Variants in ALS2CL observed in about 807,000 individuals in gnomAD.
The protein encoded by ALS2CL is ALS2 C-terminal like.
In ALS2CL, 112 loss-of-function variants were observed where a neutral mutation model predicts 127.9. The observed-to-expected ratio is 0.88, with a 90% CI of 0.75 to 1.02. ALS2CL has a LOEUF of 1.02. ALS2CL is among the 50% of genes least tolerant of loss of function. ALS2CL has a pLI of 0.00. For missense variants in ALS2CL, 1,174 were observed against 1,236.7 expected (o/e 0.95, Z 0.76); for synonymous variants, 519 against 527.6 (o/e 0.98, Z 0.22).
At chr3:46,690,498 G>C (rs1191460878) in intron 1 of ALS2CL, among the ~76,000 whole-genome samples, 2 of 152,168 alleles carry the variant, frequency 1.3e-5, no homozygotes, top group African/African-American at 4.8e-5. Flanking sequence ...CTAAAGGGAG[G>C]GGTGAAGAGA....
Position 46,683,798 on chromosome 3 carries a change from T to C in ALS2CL, c.896A>G (p.Lys299Arg), listed in dbSNP as rs746870658. The change falls in exon 9 of 26, where the codon AAG (lysine) becomes AGG (arginine). Residue 299 changes from lysine to arginine, a missense_variant. Lys to Arg is a conservative substitution (Grantham distance 26). Coordinates refer to ENST00000318962, the MANE Select transcript of ALS2CL (RefSeq NM_147129.5). ...TPEEEFSFCA[K>R]DSQGQAVWQW... ...CACACTCACCTGGCCCTGGGAGTCC[T>C]TGGCACAAAAGGAGAACTCTTCTTC... 1 of 1,614,094 alleles carries C rather than the reference T, an allele frequency of 6.2e-7. No individual in the cohort carries two copies. Among genetic ancestry groups the C allele is most frequent in the Non-Finnish European group, 8.5e-7 (1 of 1,180,012 alleles).
intron 19 of ALS2CL, 66 bp downstream of exon 19, chr3:46,676,179 C>G: frequency 6.4e-7 from 1 of 1,572,146 alleles, no homozygotes; most frequent in Non-Finnish European, 8.6e-7. Flanking sequence ...CAAGGCAGAA[C>G]TGATGCCTGG....
Position 46,683,804 on chromosome 3 carries a change from C to G in ALS2CL, c.890G>C (p.Cys297Ser), listed in dbSNP as rs541431840. The change falls in exon 9 of 26, where the codon TGT becomes TCT. Residue 297 changes from cysteine (C) to serine (S), a missense_variant. Cys to Ser is a moderately radical substitution (Grantham distance 112, BLOSUM62 -1). Coordinates refer to ENST00000318962, the MANE Select transcript of ALS2CL (RefSeq NM_147129.5). ...LLTPEEEFSF[C>S]AKDSQGQAVW... ...CACCTGGCCCTGGGAGTCCTTGGCACAAAAGGAGAACTCTTCTTCGGGCGT... is the reference window on the plus strand; with the variant it reads ...CACCTGGCCCTGGGAGTCCTTGGCAGAAAAGGAGAACTCTTCTTCGGGCGT... 8.8e-5 allele frequency: 142 copies of G among 1,614,086 alleles called. 2 individuals are homozygous for G. The South Asian group carries it at 1.5e-3, about 17-fold the overall frequency.
At chr3:46,684,789 G>A (rs1202814346) in intron 7 of ALS2CL, among the ~76,000 whole-genome samples, 3 of 152,216 alleles carry the variant, frequency 2.0e-5, no homozygotes. Flanking sequence ...GGAGTGTGAA[G>A]TTGGGAGTGG....
chr3:46,684,406 C>CAA (rs2106732045), intron 7 of ALS2CL, among the ~76,000 whole-genome samples: 1 of 63,582 alleles, frequency 1.6e-5, no homozygotes, highest in Non-Finnish European at 3.2e-5. Flanking sequence ...ACCTCACAGA[C>CAA]CACTACGCCA....
intron 19 of ALS2CL, chr3:46,675,983 T>A: frequency 7.0e-7 from 1 of 1,422,958 alleles, no homozygotes; most frequent in Non-Finnish European, 9.1e-7. Flanking sequence ...CAGCCTACAG[T>A]GGGGTGAGAG....
At chr3:46,676,156 T>C in intron 19 of ALS2CL, 89 bp downstream of exon 19, 1 of 1,523,228 alleles carries the variant, frequency 6.6e-7, no homozygotes, top group Non-Finnish European at 8.8e-7. Context: ...ACACTTGGCA[T>C]TCCTCCCAAA....
intron 10 of ALS2CL, among the ~76,000 whole-genome samples, 200 bp from the exon 11 acceptor site, chr3:46,682,294 C>T (rs1477106874): frequency 6.6e-6 from 1 of 152,230 alleles, no homozygotes; most frequent in Admixed American, 6.5e-5. Flanking sequence ...ACTGTACCAG[C>T]AGCCTCATGG....
chr3:46,671,439 C>T (rs769023528), intron 25 of ALS2CL, 49 bp downstream of exon 25: 6 of 1,611,766 alleles, frequency 3.7e-6, no homozygotes, highest in South Asian at 3.3e-5. Flanking sequence ...AAGGGTCTGC[C>T]CCAGGGGCCA....
intron 15 of ALS2CL, 90 bp from the exon 16 acceptor site, chr3:46,678,479 CAG>C: frequency 6.7e-7 from 1 of 1,493,826 alleles, no homozygotes; most frequent in Non-Finnish European, 9.0e-7. Flanking sequence ...CCATCAGTGT[CAG>C]AGAGGCTAAG....
chr3:46,676,090 ACCCTTTTGCTCAGCAG>A lies in ALS2CL; in HGVS notation c.2186+139_2186+154del, dbSNP rs1698791101. On this transcript the variant is annotated intron_variant, in intron 19 of 25. Transcript: ENST00000318962. ...TTTGCTCTCACCTCCCCACCCTCTA[ACCCTTTTGCTCAGCAG>A]CTGCACACTGACCAAGCCTCTGGTT... The A allele has an allele frequency of 3.6e-6, 5 of 1,375,832 alleles. No individual in the cohort carries two copies. The South Asian group carries it at 7.4e-5, about 20-fold the overall frequency. 85.2% of individuals were successfully genotyped at this position (1,375,832 alleles called of 1,614,324 possible). A position where few individuals can be genotyped will look rare whatever the true frequency, so the allele number is the denominator to read the frequency against.
chr3:46,676,791 C>T (rs1218887797), intron 17 of ALS2CL, 53 bp from the exon 18 acceptor site: 2 of 1,607,246 alleles, frequency 1.2e-6, no homozygotes, highest in Non-Finnish European at 8.5e-7. Flanking sequence ...GCCCCCTCCC[C>T]CCAGGAAGCC....
intron 6 of ALS2CL, among the ~76,000 whole-genome samples, chr3:46,685,981 C>T (rs929114259): frequency 6.6e-5 from 10 of 152,210 alleles, no homozygotes; most frequent in Non-Finnish European, 2.9e-5. Context: ...CCTCAGGGCA[C>T]AGGGGACTCT....
chr3:46,670,789 C>T lies in ALS2CL; in HGVS notation c.*195G>A. 1 of 567,956 alleles carries T rather than the reference C, an allele frequency of 1.8e-6. No homozygotes were observed. The allele number at this position is 567,956 out of a possible 1,614,324, so 35.2% of individuals were successfully genotyped here. A position where few individuals can be genotyped will look rare whatever the true frequency, so the allele number is the denominator to read the frequency against. On this transcript the variant is annotated 3_prime_UTR_variant, in exon 26 of 26. Coordinates refer to ENST00000318962, the MANE Select transcript of ALS2CL (RefSeq NM_147129.5). The surrounding 1 kb of genome is among the most constrained non-coding windows in gnomAD (Gnocchi z 5.5). ...GGGCTAGTGGCCAAGGGAAAACCAC[C>T]ACATCCAGGGCCACACCCGTCACCC...
In ALS2CL at chr3:46,671,796, A is replaced by T. The variant is rs927829590; in HGVS notation, c.2684+88T>A. 17 of 1,572,532 alleles carry T rather than the reference A, an allele frequency of 1.1e-5. No individual in the cohort carries two copies. In the African/African-American group the frequency reaches 2.2e-4, roughly 20 times the overall value. On this transcript the variant is annotated intron_variant, in intron 24 of 25. Transcript: ENST00000318962. ...GTACAGAGAGAAGCTGCATCCATAA[A>T]CCCTGGGGTTCAGAGGTATCAGAAG... is the stretch of plus-strand genomic sequence containing the variant.
Position 46,687,134 on chromosome 3 carries a change from C to G in ALS2CL, c.383G>C (p.Gly128Ala). Residue 128 changes from glycine to alanine, a missense_variant, in exon 5 of 26, where the codon GGC (glycine) becomes GCC (alanine). Coordinates refer to ENST00000318962, the MANE Select transcript of ALS2CL (RefSeq NM_147129.5). Reference protein sequence around the residue: ...AAKRRSEYWRGQRKALRQLLS... With the variant: ...AAKRRSEYWRAQRKALRQLLS... ...CAGCTGCCGCAGCGCCTTCCGCTGG[C>G]CCCGCCAGTACTCGCTGCGTGTAGA... is the stretch of plus-strand genomic sequence containing the variant. 6.4e-7 allele frequency: 1 copy of G among 1,566,176 alleles called. No homozygotes were observed. Among genetic ancestry groups the G allele is most frequent in the Non-Finnish European group, 8.6e-7 (1 of 1,162,468 alleles).
intron 24 of ALS2CL, 133 bp downstream of exon 24, chr3:46,671,751 G>A (rs1326740375): frequency 9.2e-6 from 14 of 1,522,438 alleles, no homozygotes; most frequent in Non-Finnish European, 1.1e-5. Context: ...TCCCTTTTCT[G>A]GGCCTTGGCT....
intron 19 of ALS2CL, 185 bp downstream of exon 19, chr3:46,676,060 G>T: frequency 7.3e-7 from 1 of 1,363,536 alleles, no homozygotes; most frequent in Non-Finnish European, 9.6e-7. Context: ...GGCTGCAGCT[G>T]GGCCTTTGCT....
rs1430871551 is a variant in ALS2CL, at chr3:46,687,629, T to G, written c.358A>C (p.Lys120Gln). Residue 120 changes from lysine (K) to glutamine (Q), a missense_variant, in exon 4 of 26, where the codon AAG (lysine) becomes CAG (glutamine). Lys to Gln is a moderately conservative substitution (Grantham distance 53). Transcript: ENST00000318962. ...CAGCCCTGTGCTCACCTTCTCCTCTTTGCTGCCTTCTGGAAGGCCTGCACC... is the reference window on the plus strand; with the variant it reads ...CAGCCCTGTGCTCACCTTCTCCTCTGTGCTGCCTTCTGGAAGGCCTGCACC... ...MVVQAFQKAAKRRSEYWRGQR... is the reference protein window; with the variant it reads ...MVVQAFQKAAQRRSEYWRGQR... 6.2e-7 allele frequency: 1 copy of G among 1,613,270 alleles called. No individual in the cohort carries two copies. Among genetic ancestry groups the G allele is most frequent in the East Asian group, 2.2e-5 (1 of 44,870 alleles).
Sources: gnomAD v4.1 joint callset for allele counts (sites outside exome capture counted in the v4.1 genomes callset) on GRCh38, gnomAD v4.1.1 for gene constraint, Gnocchi (gnomAD v3.1) non-coding constraint, MANE v1.5 for transcripts, NCBI Gene and HGNC (gene_info 2026-07-23, HGNC 2026-07-21) for gene names.